HHAT: variants seen among roughly 807,000 people sequenced by gnomAD.
The protein encoded by HHAT is protein-cysteine N-palmitoyltransferase HHAT.
In HHAT, 47 loss-of-function variants were observed where a neutral mutation model predicts 70.8. The observed-to-expected ratio is 0.66, with a 90% CI of 0.53 to 0.85. HHAT has a LOEUF of 0.85. Ranked by LOEUF, HHAT falls within the 40% of genes least tolerant of loss-of-function variation. The probability of loss-of-function intolerance (pLI) is 0.00; values close to 1 mark genes in which losing one functional copy is unlikely to be tolerated. For synonymous variants in HHAT, 228 were observed against 247.6 expected (o/e 0.92, Z 0.74); for missense variants, 609 against 604.8 (o/e 1.01, Z -0.07).
intron 10 of HHAT, among the ~76,000 whole-genome samples, chr1:210,598,801 AT>A (rs1192239364): frequency 5.9e-5 from 9 of 152,150 alleles, no homozygotes; most frequent in African/African-American, 1.9e-4. Context: ...TGCTCATCCA[AT>A]TTTTGGTTCT....
chr1:210,636,442 G>C (rs577647561), intron 11 of HHAT, among the ~76,000 whole-genome samples: 1 of 152,250 alleles, frequency 6.6e-6, no homozygotes, highest in Non-Finnish European at 1.5e-5. Flanking sequence ...GTCAGGCTCT[G>C]GGATTTTTCT....
At chr1:210,410,368 C>T (rs2092492402) in intron 6 of HHAT, among the ~76,000 whole-genome samples, 1 of 146,594 alleles carries the variant, frequency 6.8e-6, no homozygotes, top group Non-Finnish European at 1.5e-5. Context: ...ATTTTTTAAA[C>T]AAAAGACAGT....
chr1:210,637,712 T>C (rs184450108), intron 11 of HHAT, among the ~76,000 whole-genome samples: 429 of 152,002 alleles, frequency 2.8e-3, no homozygotes, highest in African/African-American at 9.8e-3. Context: ...ATACAAAAAT[T>C]AGCTGAGCAT....
intron 9 of HHAT, among the ~76,000 whole-genome samples, chr1:210,572,981 G>A (rs1281950245): frequency 6.6e-6 from 1 of 152,184 alleles, no homozygotes; most frequent in Non-Finnish European, 1.5e-5. Context: ...CAGCAGAGGG[G>A]TAGGGAAAAT....
chr1:210,635,828 A>G (rs922095829), intron 11 of HHAT, among the ~76,000 whole-genome samples: 1 of 152,162 alleles, frequency 6.6e-6, no homozygotes, highest in African/African-American at 2.4e-5. Context: ...TGCCAAGGAG[A>G]ATGTCAAAAC....
intron 7 of HHAT, among the ~76,000 whole-genome samples, chr1:210,441,681 T>A (rs940590763): frequency 3.3e-5 from 5 of 152,186 alleles, no homozygotes; most frequent in Non-Finnish European, 5.9e-5. Context: ...TGGAAATGAT[T>A]GGTAGTTGGA....
chr1:210,474,322 G>A (rs1481341986), intron 8 of HHAT, among the ~76,000 whole-genome samples: 2 of 152,146 alleles, frequency 1.3e-5, no homozygotes, highest in African/African-American at 2.4e-5. Flanking sequence ...ACAGGCTCTC[G>A]CTCTGTTGCC....
chr1:210,672,482 G>C (rs1451086586), intron 11 of HHAT, among the ~76,000 whole-genome samples: 3 of 152,154 alleles, frequency 2.0e-5, no homozygotes, highest in Non-Finnish European at 2.9e-5. Context: ...CTCAGCCCAC[G>C]TGGCCCAGTT....
At chr1:210,345,838 C>CT (rs965364878) in intron 1 of HHAT, among the ~76,000 whole-genome samples, 54 of 152,284 alleles carry the variant, frequency 3.5e-4, no homozygotes, top group African/African-American at 1.3e-3. Flanking sequence ...AATCCTAGCA[C>CT]TTTGGGAGGC....
intron 1 of HHAT, 67 bp from the exon 2 acceptor site, chr1:210,348,866 A>G: frequency 6.8e-7 from 1 of 1,468,982 alleles, no homozygotes; most frequent in Non-Finnish European, 9.1e-7. Flanking sequence ...GAACTAACTG[A>G]ATTGATGTTT....
intron 6 of HHAT, among the ~76,000 whole-genome samples, chr1:210,407,879 G>T (rs7527094): frequency 6.6e-6 from 1 of 151,984 alleles, no homozygotes; most frequent in Non-Finnish European, 1.5e-5. Flanking sequence ...GCCTTAGGGT[G>T]GTGGGCCAGG....
chr1:210,584,100 G>A (rs1226764017), intron 9 of HHAT, among the ~76,000 whole-genome samples: 4 of 151,544 alleles, frequency 2.6e-5, no homozygotes, highest in African/African-American at 7.3e-5. Context: ...GCACCACCAC[G>A]CCTGGCTAAT....
chr1:210,611,274 G>A (rs1407614292), intron 10 of HHAT, among the ~76,000 whole-genome samples: 2 of 151,954 alleles, frequency 1.3e-5, no homozygotes, highest in African/African-American at 2.4e-5. Flanking sequence ...TGTAGCAATC[G>A]TTAGTGGGAG....
chr1:210,551,854 T>G (rs1364639556), intron 9 of HHAT, among the ~76,000 whole-genome samples: 1 of 152,220 alleles, frequency 6.6e-6, no homozygotes, highest in East Asian at 1.9e-4. Flanking sequence ...TGTTGAAGTC[T>G]TGGAAAGTGA....
chr1:210,519,358 A>G (rs1485762974), intron 9 of HHAT, among the ~76,000 whole-genome samples: 2 of 152,048 alleles, frequency 1.3e-5, no homozygotes, highest in African/African-American at 4.8e-5. Flanking sequence ...TTTCCTCTGG[A>G]CATATACCCA....
chr1:210,663,627 C>T (rs1221718319), intron 11 of HHAT, among the ~76,000 whole-genome samples: 5 of 152,212 alleles, frequency 3.3e-5, no homozygotes, highest in Non-Finnish European at 7.3e-5. Flanking sequence ...TCCTCTGCTC[C>T]ATGCGTGAGC....
intron 8 of HHAT, among the ~76,000 whole-genome samples, chr1:210,466,876 A>G (rs952384303): frequency 1.3e-5 from 2 of 152,174 alleles, no homozygotes; most frequent in Non-Finnish European, 2.9e-5. Flanking sequence ...CTAGACTCAT[A>G]TAGTTGAGAC....
At chr1:210,461,796 G>GA (rs375730252) in intron 7 of HHAT, among the ~76,000 whole-genome samples, 16 of 151,484 alleles carry the variant, frequency 1.1e-4, no homozygotes, top group East Asian at 3.9e-4. Context: ...AAATTTCAAG[G>GA]AAAAAAAATC....
intron 4 of HHAT, among the ~76,000 whole-genome samples, chr1:210,394,227 A>C (rs1325874224): frequency 1.3e-5 from 1 of 76,878 alleles, no homozygotes. Context: ...AGCATGATCT[A>C]TCTTTTTTTT....
Sources: gnomAD v4.1 joint callset for allele counts (sites outside exome capture counted in the v4.1 genomes callset) on GRCh38, gnomAD v4.1.1 for gene constraint, MANE v1.5 for transcripts, NCBI Gene and HGNC (gene_info 2026-07-23, HGNC 2026-07-21) for gene names.